The following SPIDR variants were observed in gnomAD, a reference collection of about 807,000 sequenced individuals.
The protein encoded by SPIDR is DNA repair-scaffolding protein.
SPIDR carries 93 observed loss-of-function variants against 104.6 expected under a neutral mutation model. That is an observed-to-expected ratio of 0.89 (90% CI 0.75 to 1.06). The LOEUF is 1.06. Ranked by LOEUF, SPIDR falls within the 50% of genes least tolerant of loss-of-function variation. The pLI, the probability that SPIDR is intolerant of heterozygous loss-of-function variation, is 0.00. For synonymous variants in SPIDR, 431 were observed against 416.9 expected (o/e 1.03, Z -0.41); for missense variants, 1,154 against 1,111.2 (o/e 1.04, Z -0.55).
chr8:47,586,464 G>A (rs1422901811), intron 8 of SPIDR, among the ~76,000 whole-genome samples: 1 of 152,180 alleles, frequency 6.6e-6, no homozygotes, highest in Non-Finnish European at 1.5e-5. Context: ...TGGTTTTAAT[G>A]TGCATTTTCT....
chr8:47,403,393 T>G (rs927181261), intron 6 of SPIDR, among the ~76,000 whole-genome samples: 19 of 152,266 alleles, frequency 1.2e-4, no homozygotes, highest in African/African-American at 4.6e-4. Flanking sequence ...GGTGTTCAGT[T>G]AGGAAAAGAG....
intron 8 of SPIDR, among the ~76,000 whole-genome samples, chr8:47,579,398 G>C (rs759415228): frequency 8.5e-5 from 13 of 152,320 alleles, no homozygotes; most frequent in Admixed American, 2.0e-4. Context: ...TTTCTGCATT[G>C]ATGGAAATGT....
intron 8 of SPIDR, among the ~76,000 whole-genome samples, chr8:47,469,362 A>G (rs782720049): frequency 2.6e-5 from 4 of 152,210 alleles, no homozygotes; most frequent in Non-Finnish European, 4.4e-5. Flanking sequence ...AAATCCCATT[A>G]CTGGGTATAT....
intron 8 of SPIDR, among the ~76,000 whole-genome samples, chr8:47,586,832 G>C (rs1361674508): frequency 2.6e-5 from 4 of 152,172 alleles, no homozygotes; most frequent in Admixed American, 2.6e-4. Context: ...GCAGTGGCAA[G>C]ACCTCAGCTC....
chr8:47,415,258 G>A (rs1280439549), intron 7 of SPIDR, among the ~76,000 whole-genome samples: 5 of 152,136 alleles, frequency 3.3e-5, no homozygotes, highest in African/African-American at 2.4e-5. Context: ...TTGACATGCA[G>A]TTAGAAATAA....
intron 7 of SPIDR, among the ~76,000 whole-genome samples, chr8:47,435,485 T>C (rs908105479): frequency 2.6e-4 from 39 of 152,368 alleles, no homozygotes; most frequent in Admixed American, 3.9e-4. Flanking sequence ...CTAAGAATTA[T>C]GTTTCATCTG....
At chr8:47,486,873 C>A (rs1209320237) in intron 8 of SPIDR, among the ~76,000 whole-genome samples, 1 of 152,218 alleles carries the variant, frequency 6.6e-6, no homozygotes, top group African/African-American at 2.4e-5. Context: ...AAAGGAACAA[C>A]TGGTAGCAGC....
At chr8:47,444,737 A>G (rs1442043153) in intron 8 of SPIDR, among the ~76,000 whole-genome samples, 2 of 152,168 alleles carry the variant, frequency 1.3e-5, no homozygotes, top group African/African-American at 2.4e-5. Context: ...GCCTTTTGAT[A>G]TATGATTTCC....
chr8:47,353,696 A>G (rs1431414984), intron 5 of SPIDR, among the ~76,000 whole-genome samples: 1 of 142,418 alleles, frequency 7.0e-6, no homozygotes, highest in Non-Finnish European at 1.5e-5. Flanking sequence ...ATTGATTTAA[A>G]TCTATACTGA....
At chr8:47,622,081 C>T in intron 10 of SPIDR, among the ~76,000 whole-genome samples, 1 of 152,038 alleles carries the variant, frequency 6.6e-6, no homozygotes. Context: ...GTCTTAGTGG[C>T]AGGCAGGAAG....
intron 8 of SPIDR, among the ~76,000 whole-genome samples, chr8:47,466,820 C>T (rs1199898335): frequency 6.9e-6 from 1 of 144,668 alleles, no homozygotes; most frequent in Non-Finnish European, 1.5e-5. Context: ...TAACCAAAGT[C>T]AGAGCTGGAC....
intron 5 of SPIDR, among the ~76,000 whole-genome samples, chr8:47,329,237 AT>A (rs1167431080): frequency 6.6e-6 from 1 of 151,770 alleles, no homozygotes; most frequent in Non-Finnish European, 1.5e-5. Flanking sequence ...CGCCCGGCTG[AT>A]TTTTTTGTAT....
chr8:47,427,677 G>A (rs941244532), intron 7 of SPIDR, among the ~76,000 whole-genome samples: 6 of 152,140 alleles, frequency 3.9e-5, no homozygotes, highest in African/African-American at 1.2e-4. Context: ...AGGCTGGGGC[G>A]TCCCTGACCG....
intron 5 of SPIDR, among the ~76,000 whole-genome samples, chr8:47,369,792 G>A (rs912077068): frequency 3.4e-4 from 51 of 152,132 alleles, no homozygotes; most frequent in African/African-American, 1.2e-3. Context: ...AAATGCATGC[G>A]GAAAGGAAAT....
intron 11 of SPIDR, among the ~76,000 whole-genome samples, chr8:47,676,419 T>C (rs980732242): frequency 5.3e-5 from 8 of 152,212 alleles, no homozygotes; most frequent in African/African-American, 1.7e-4. Flanking sequence ...GCTATATTTC[T>C]TCAAAACAAA....
chr8:47,470,600 G>C (rs536610247), intron 8 of SPIDR, among the ~76,000 whole-genome samples: 1 of 152,176 alleles, frequency 6.6e-6, no homozygotes, highest in East Asian at 1.9e-4. Context: ...TTTTGACAAG[G>C]GCACTATGAT....
chr8:47,364,055 T>A (rs116659323), intron 5 of SPIDR, among the ~76,000 whole-genome samples: 1,727 of 152,314 alleles, frequency 0.011, 35 homozygotes, highest in African/African-American at 0.04. Context: ...ACATGGAGAA[T>A]GGGAAAATAA....
chr8:47,504,793 G>A (rs1223378322), intron 8 of SPIDR, among the ~76,000 whole-genome samples: 1 of 152,134 alleles, frequency 6.6e-6, no homozygotes, highest in African/African-American at 2.4e-5. Flanking sequence ...TTTGATGATA[G>A]TGACGTACAG....
intron 9 of SPIDR, among the ~76,000 whole-genome samples, chr8:47,596,880 C>CAACTGTTGTAAAAAA (rs2061679700): frequency 6.6e-6 from 1 of 151,726 alleles, no homozygotes; most frequent in South Asian, 2.1e-4. Context: ...AACTAAAACA[C>CAACTGTTGTAAAAAA]AAACATACAC....
Sources: gnomAD v4.1 joint callset for allele counts (sites outside exome capture counted in the v4.1 genomes callset) on GRCh38, gnomAD v4.1.1 for gene constraint, MANE v1.5 for transcripts, NCBI Gene and HGNC (gene_info 2026-07-23, HGNC 2026-07-21) for gene names.